The following OPCML variants were observed in gnomAD, a reference collection of about 807,000 sequenced individuals.
OPCML encodes the protein opioid binding protein/cell adhesion molecule like.
A neutral mutation model predicts 37.8 loss-of-function variants in OPCML; 13 were observed. The observed-to-expected ratio is 0.34, with a 90% confidence interval of 0.22 to 0.55. The LOEUF is 0.55. Among genes scored for constraint, OPCML ranks in the 20% least tolerant of loss-of-function variants. OPCML has a pLI of 0.91. For missense variants in OPCML, 341 were observed against 435.6 expected, an observed-to-expected ratio of 0.78 and a Z score of 1.93; for synonymous variants, 176 against 168.8, an observed-to-expected ratio of 1.04 and a Z score of -0.33.
At chr11:132,927,228 G>A (rs1459566177) in intron 2 of OPCML, among the ~76,000 whole-genome samples, 1 of 151,998 alleles carries the variant, frequency 6.6e-6, no homozygotes, top group Non-Finnish European at 1.5e-5. Context: ...ATAAACCCAA[G>A]GATACCCACA....
At chr11:132,658,491 G>T (rs753216098) in intron 2 of OPCML, among the ~76,000 whole-genome samples, 1 of 152,158 alleles carries the variant, frequency 6.6e-6, no homozygotes, top group Non-Finnish European at 1.5e-5. Flanking sequence ...ATGGCTCAGG[G>T]TCTCCAAGCA....
intron 2 of OPCML, among the ~76,000 whole-genome samples, chr11:132,667,246 C>G (rs1407144613): frequency 6.6e-6 from 1 of 152,176 alleles, no homozygotes; most frequent in Non-Finnish European, 1.5e-5. Context: ...ATTCATTTTG[C>G]AAATATTTAC....
At chr11:132,658,755 C>G (rs1941823485) in intron 2 of OPCML, among the ~76,000 whole-genome samples, 3 of 152,142 alleles carry the variant, frequency 2.0e-5, no homozygotes, top group African/African-American at 7.2e-5. Context: ...GTAAATAACA[C>G]TAAGATGATA....
intron 3 of OPCML, among the ~76,000 whole-genome samples, chr11:132,570,508 A>T (rs1482273090): frequency 1.3e-5 from 2 of 152,028 alleles, no homozygotes; most frequent in African/African-American, 2.4e-5. Flanking sequence ...GTAATTGTAC[A>T]TGCAGACTAA....
chr11:133,399,923 A>C (rs1224294301), intron 1 of OPCML, among the ~76,000 whole-genome samples: 1 of 151,596 alleles, frequency 6.6e-6, no homozygotes, highest in Non-Finnish European at 1.5e-5. Flanking sequence ...CTACTAATGC[A>C]TGCACACGTC....
chr11:132,969,614 TTC>T (rs1231017183), intron 1 of OPCML, among the ~76,000 whole-genome samples: 2 of 152,216 alleles, frequency 1.3e-5, no homozygotes, highest in African/African-American at 4.8e-5. Context: ...TCACACTTTT[TTC>T]TCTGTTTTTC....
rs567399304 is a variant in OPCML, at chr11:133,260,741, G to T, written c.61+271523C>A. 2.0e-4 allele frequency among the ~76,000 whole-genome samples: 31 copies of T among 152,278 alleles called. No individual in the cohort carries two copies. The South Asian group carries it at 5.2e-3, about 25-fold the overall frequency. On this transcript the variant is annotated intron_variant, in intron 1 of 7. Coordinates refer to ENST00000524381, the MANE Select transcript of OPCML (RefSeq NM_001012393.5). ...GGAGTCGAGAATGACAGAAATTTCA[G>T]CCTGAGCTGATGGCTAGAGCCAGAT...
intron 1 of OPCML, among the ~76,000 whole-genome samples, chr11:133,424,187 C>G (rs974828251): frequency 1.3e-5 from 2 of 152,098 alleles, no homozygotes; most frequent in Non-Finnish European, 2.9e-5. Flanking sequence ...AGAGTGAACC[C>G]CAGCCAAGTC....
chr11:132,577,426 G>A (rs1487758824), intron 3 of OPCML, among the ~76,000 whole-genome samples: 1 of 152,002 alleles, frequency 6.6e-6, no homozygotes, highest in Non-Finnish European at 1.5e-5. Context: ...ATTTAACAGT[G>A]TGATTGCAAT....
chr11:132,529,570 G>T (rs1018695803), intron 3 of OPCML, among the ~76,000 whole-genome samples: 18 of 152,286 alleles, frequency 1.2e-4, no homozygotes, highest in Admixed American at 7.9e-4. Context: ...CCATTAGGGA[G>T]CCCTGTCCTC....
chr11:132,590,230 G>T (rs2096482154), intron 3 of OPCML, among the ~76,000 whole-genome samples: 1 of 151,874 alleles, frequency 6.6e-6, no homozygotes, highest in African/African-American at 2.4e-5. Flanking sequence ...AAAGAGGTCT[G>T]GATTTAAAAT....
chr11:132,420,321 A>G (rs368923892), intron 7 of OPCML, 28 bp from the exon 8 acceptor site: 19 of 1,612,072 alleles, frequency 1.2e-5, no homozygotes, highest in Non-Finnish European at 1.6e-5. Context: ...AGACAGACCC[A>G]TTAGCATACA....
At chr11:133,342,537 G>A (rs1356838805) in intron 1 of OPCML, among the ~76,000 whole-genome samples, 1 of 152,198 alleles carries the variant, frequency 6.6e-6, no homozygotes, top group South Asian at 2.1e-4. Flanking sequence ...GCCTACTGAT[G>A]CCAGACACAT....
chr11:133,024,345 G>C, intron 1 of OPCML: 2 of 985,180 alleles, frequency 2.0e-6, no homozygotes, highest in Non-Finnish European at 2.4e-6. Context: ...GTTCTTTACA[G>C]GTGAAACAGC....
At chr11:132,892,583 A>G (rs1005537192) in intron 2 of OPCML, among the ~76,000 whole-genome samples, 1 of 152,122 alleles carries the variant, frequency 6.6e-6, no homozygotes, top group African/African-American at 2.4e-5. Flanking sequence ...CCTGGCCAAC[A>G]TGGCAAAACC....
intron 1 of OPCML, among the ~76,000 whole-genome samples, chr11:133,028,238 T>C (rs537723056): frequency 6.6e-6 from 1 of 151,982 alleles, no homozygotes; most frequent in Admixed American, 6.6e-5. Flanking sequence ...GGCACACATG[T>C]CTTAAAAAAA....
chr11:132,763,367 A>G (rs1946331412), intron 2 of OPCML, among the ~76,000 whole-genome samples: 1 of 152,192 alleles, frequency 6.6e-6, no homozygotes, highest in Admixed American at 6.5e-5. Flanking sequence ...ACATATTAAT[A>G]TATTACAGGA....
chr11:133,119,847 T>A (rs1949394419), intron 1 of OPCML, among the ~76,000 whole-genome samples: 1 of 151,832 alleles, frequency 6.6e-6, no homozygotes, highest in Non-Finnish European at 1.5e-5. Context: ...GGGAGTGAAG[T>A]GGGCGGTGGA....
In OPCML at chr11:133,091,536, G is replaced by C. The variant is rs75212017; in HGVS notation, c.62-148526C>G. On this transcript the variant is annotated intron_variant, in intron 1 of 7. Coordinates refer to ENST00000524381, the MANE Select transcript of OPCML (RefSeq NM_001012393.5). Reference sequence around the variant, plus strand: ...CCATGGGGGCCCAACCCCTGAACCAGTGTGTCCAGGAGGTGAGACATAGGG... The same window carrying C: ...CCATGGGGGCCCAACCCCTGAACCACTGTGTCCAGGAGGTGAGACATAGGG... Among the ~76,000 whole-genome samples, 540 of 152,344 alleles carry C rather than the reference G, an allele frequency of 3.5e-3. 2 individuals are homozygous for C. The highest frequency in any genetic ancestry group is 0.012 in the African/African-American group (519 of 41,582).
Sources: allele counts gnomAD v4.1 joint callset (sites outside exome capture counted in the v4.1 genomes callset), GRCh38; gene constraint gnomAD v4.1.1; transcripts MANE v1.5; gene names NCBI Gene and HGNC (gene_info 2026-07-23, HGNC 2026-07-21).